SRF: variants seen among roughly 807,000 people sequenced by gnomAD.
SRF encodes c-fos serum response element-binding transcription factor.
A neutral mutation model predicts 37.1 loss-of-function variants in SRF; 7 were observed. The observed-to-expected ratio is 0.19, with a 90% confidence interval of 0.11 to 0.35. The LOEUF is 0.35. SRF is among the 10% of genes least tolerant of loss of function. The pLI, the probability that SRF is intolerant of heterozygous loss-of-function variation, is 1.00. For missense variants in SRF, 395 were observed against 694.4 expected, an observed-to-expected ratio of 0.57 and a Z score of 4.85; for synonymous variants, 285 against 310.1, an observed-to-expected ratio of 0.92 and a Z score of 0.85.
chr6:43,179,556 C>A lies in SRF; in HGVS notation c.*366C>A, dbSNP rs1772269685. 3.5e-6 allele frequency: 1 copy of A among 287,948 alleles called. No individual in the cohort carries two copies. The highest frequency in any genetic ancestry group is 6.8e-6 in the Non-Finnish European group (1 of 147,878). The allele number at this position is 287,948 out of a possible 1,614,324, so 17.8% of individuals were successfully genotyped here. A position where few individuals can be genotyped will look rare whatever the true frequency, so the allele number is the denominator to read the frequency against. ...CTTCTGTGGGGCTGGGCACCGTGTCCTCCTCTGAGGAAGCAGTTGGGGCCC... is the reference window on the plus strand; with the variant it reads ...CTTCTGTGGGGCTGGGCACCGTGTCATCCTCTGAGGAAGCAGTTGGGGCCC... On this transcript the variant is annotated 3_prime_UTR_variant, in exon 7 of 7. Transcript: ENST00000265354. The surrounding 1 kb of genome is among the most constrained non-coding windows in gnomAD (Gnocchi z 5.3).
Position 43,176,435 on chromosome 6 carries a change from T to C in SRF, c.1043-113T>C. ...CCTCTTTGGCTTCCAGGAAAGATAGTGATGGGAGTTGGAGACCAGTGTGCC... is the reference window on the plus strand; with the variant it reads ...CCTCTTTGGCTTCCAGGAAAGATAGCGATGGGAGTTGGAGACCAGTGTGCC... On this transcript the variant is annotated intron_variant, in intron 3 of 6. Coordinates refer to ENST00000265354, the MANE Select transcript of SRF (RefSeq NM_003131.4). This position sits in a 1 kb window ranked among gnomAD's most constrained non-coding sequence, Gnocchi z 4.0. 1 of 1,499,682 alleles carries C rather than the reference T, an allele frequency of 6.7e-7. No homozygotes were observed. Among genetic ancestry groups the C allele is most frequent in the Non-Finnish European group, 9.1e-7 (1 of 1,102,798 alleles). 92.9% of individuals were successfully genotyped at this position (1,499,682 alleles called of 1,614,324 possible).
At position 43,171,430 on chromosome 6, in the gene SRF, G is replaced by C. The variant is rs1388091917; in HGVS notation, c.-227G>C. ...GGCGCGCCGCCCTAGCAGACGGACA[G>C]GGGGCGCTGCGCGCGGCCTGGGGCA... On this transcript the variant is annotated 5_prime_UTR_variant, in exon 1 of 7. Coordinates refer to ENST00000265354, the MANE Select transcript of SRF (RefSeq NM_003131.4). This position sits in a 1 kb window ranked among gnomAD's most constrained non-coding sequence, Gnocchi z 6.5. 3 of 306,794 alleles carry C rather than the reference G, an allele frequency of 9.8e-6. No homozygotes were observed. Among genetic ancestry groups the C allele is most frequent in the Non-Finnish European group, 1.7e-5 (3 of 178,472 alleles). The allele number at this position is 306,794 out of a possible 1,614,324, so 19.0% of individuals were successfully genotyped here.
At position 43,172,056 on chromosome 6, in the gene SRF, G is replaced by A. The variant is rs913251423; in HGVS notation, c.400G>A (p.Ala134Thr). ...GCCGGTGAGCGGCGCGGTGAGCGGG[G>A]CCAAGCCGGGTAAGAAGACCCGGGG... ...YGPVSGAVSG[A>T]KPGKKTRGRV... The change falls in exon 1 of 7, where the codon GCC (alanine) becomes ACC (threonine). Residue 134 changes from alanine to threonine, a missense_variant. Around this residue, in one of 4 missense-constraint regions of SRF, gnomAD observed 134 missense variants for 204.5 expected, o/e 0.66. Coordinates refer to ENST00000265354, the MANE Select transcript of SRF (RefSeq NM_003131.4). This position sits in a 1 kb window ranked among gnomAD's most constrained non-coding sequence, Gnocchi z 5.7. 1 of 1,608,888 alleles carries A rather than the reference G, an allele frequency of 6.2e-7. No individual in the cohort carries two copies. Among genetic ancestry groups the A allele is most frequent in the Non-Finnish European group, 8.5e-7 (1 of 1,178,498 alleles).
chr6:43,171,917 G>A lies in SRF; in HGVS notation c.261G>A (p.Glu87=). ...SGSEGDSESG[E]EEELGAERRG... ...GCGAGGGCGACTCGGAGTCGGGCGA[G>A]GAGGAGGAGCTGGGCGCCGAGCGGC... is the stretch of plus-strand genomic sequence containing the variant. The change falls in exon 1 of 7, where the codon GAG becomes GAA. Residue 87 remains glutamate (E), a synonymous_variant. Coordinates refer to ENST00000265354, the MANE Select transcript of SRF (RefSeq NM_003131.4). The surrounding 1 kb of genome is among the most constrained non-coding windows in gnomAD (Gnocchi z 6.5). 2.1e-6 allele frequency: 3 copies of A among 1,447,406 alleles called. No homozygotes were observed. In the South Asian group the frequency reaches 4.2e-5, roughly 20 times the overall value. 89.7% of individuals were successfully genotyped at this position (1,447,406 alleles called of 1,614,324 possible).
chr6:43,175,536 G>GTA (rs1472038639), intron 2 of SRF, among the ~76,000 whole-genome samples, 170 bp from the exon 3 acceptor site: 15 of 152,172 alleles, frequency 9.9e-5, no homozygotes, highest in Non-Finnish European at 1.9e-4. Context: ...ATAGAAAACT[G>GTA]TAGCTCAGTA....
intron 2 of SRF, 89 bp from the exon 3 acceptor site, chr6:43,175,617 G>C: frequency 1.3e-6 from 2 of 1,558,950 alleles, no homozygotes; most frequent in Admixed American, 3.4e-5. Flanking sequence ...AAGCTCACTG[G>C]TTTCAGTCTG....
In SRF at chr6:43,179,226, G is replaced by A; in HGVS notation, c.*36G>A. 1 of 1,607,490 alleles carries A rather than the reference G, an allele frequency of 6.2e-7. No individual in the cohort carries two copies. The highest frequency in any genetic ancestry group is 8.5e-7 in the Non-Finnish European group (1 of 1,174,262). ...GCCCTGGACAGATGGCCCAAGGGATGGCACCACTTATTTATTGTTGCCTTT... is the reference window on the plus strand; with the variant it reads ...GCCCTGGACAGATGGCCCAAGGGATAGCACCACTTATTTATTGTTGCCTTT... On this transcript the variant is annotated 3_prime_UTR_variant, in exon 7 of 7. Transcript: ENST00000265354. This position sits in a 1 kb window ranked among gnomAD's most constrained non-coding sequence, Gnocchi z 5.3.
chr6:43,177,621 A>G (rs1772227733), intron 4 of SRF, among the ~76,000 whole-genome samples: 1 of 151,112 alleles, frequency 6.6e-6, no homozygotes, highest in Admixed American at 6.6e-5. Flanking sequence ...CTGTGCATTA[A>G]GAAGGAGAGA....
chr6:43,181,145 C>T lies in SRF; in HGVS notation c.*1955C>T, dbSNP rs1772326514. On this transcript the variant is annotated 3_prime_UTR_variant, in exon 7 of 7. Transcript: ENST00000265354. ...ATGGGGAGGAGACCTTTGATGAATT[C>T]TTCCTCTCCTTCCCACAAAAGACAG... 1 of 152,738 alleles carries T rather than the reference C, an allele frequency of 6.5e-6. No individual in the cohort carries two copies. The highest frequency in any genetic ancestry group is 1.9e-4 in the East Asian group (1 of 5,194). The allele number at this position is 152,738 out of a possible 1,614,324, so 9.5% of individuals were successfully genotyped here.
intron 2 of SRF, 51 bp downstream of exon 2, chr6:43,174,164 C>A (rs745883078): frequency 3.0e-5 from 48 of 1,592,862 alleles, no homozygotes; most frequent in Non-Finnish European, 4.1e-5. Flanking sequence ...GGGTCCCTCT[C>A]CCTTTCTGGC....
chr6:43,172,013 G>T lies in SRF; in HGVS notation c.357G>T (p.Ala119=). Reference sequence around the variant, plus strand: ...TCGGTGGGCCCGAGGCGTCGGCAGCGGCCACCGGGGGCTACGGGCCGGTGA... The same window carrying T: ...TCGGTGGGCCCGAGGCGTCGGCAGCTGCCACCGGGGGCTACGGGCCGGTGA... ...MVVGGPEASA[A]ATGGYGPVSG... is the part of the protein sequence containing the mutation. Residue 119 remains alanine (A), a synonymous_variant, in exon 1 of 7, where the codon GCG becomes GCT. Coordinates refer to ENST00000265354, the MANE Select transcript of SRF (RefSeq NM_003131.4). The surrounding 1 kb of genome is among the most constrained non-coding windows in gnomAD (Gnocchi z 5.7). The T allele has an allele frequency of 6.3e-7, 1 of 1,584,846 alleles. No homozygotes were observed. The highest frequency in any genetic ancestry group is 8.6e-7 in the Non-Finnish European group (1 of 1,166,954).
Position 43,178,943 on chromosome 6 carries a change from G to T in SRF, c.1431+61G>T. ...CCACTTCTTTGTCTTGACCTTAGGG[G>T]ATCCTGTTACCAGTTCATCAAAGCC... On this transcript the variant is annotated intron_variant, in intron 6 of 6. Coordinates refer to ENST00000265354, the MANE Select transcript of SRF (RefSeq NM_003131.4). The surrounding 1 kb of genome is among the most constrained non-coding windows in gnomAD (Gnocchi z 4.3). 3 of 1,590,048 alleles carry T rather than the reference G, an allele frequency of 1.9e-6. No individual in the cohort carries two copies. The highest frequency in any genetic ancestry group is 2.6e-6 in the Non-Finnish European group (3 of 1,158,242).
rs1772129222 is a variant in SRF, at chr6:43,172,581, A to G, written c.513+412A>G. On this transcript the variant is annotated intron_variant, in intron 1 of 6. Transcript: ENST00000265354. The surrounding 1 kb of genome is among the most constrained non-coding windows in gnomAD (Gnocchi z 5.7). ...AAAAGCAGGGAGCAAACGAGAAGGT[A>G]TGGAGGTGAGGAGGCTGGAGCTGCA... is the stretch of plus-strand genomic sequence containing the variant. The G allele has an allele frequency of 2.1e-6, 1 of 471,742 alleles. No homozygotes were observed. The highest frequency in any genetic ancestry group is 2.1e-5 in the African/African-American group (1 of 47,290). 29.2% of individuals were successfully genotyped at this position (471,742 alleles called of 1,614,324 possible).
Position 43,172,339 on chromosome 6 carries a change from C to A in SRF, c.513+170C>A, listed in dbSNP as rs1450781961. On this transcript the variant is annotated intron_variant, in intron 1 of 6. Transcript: ENST00000265354. This position sits in a 1 kb window ranked among gnomAD's most constrained non-coding sequence, Gnocchi z 5.7. The stretch of plus-strand genomic sequence containing the variant: ...GGGAGGGCCGAAGGGGAGGGGCCGC[C>A]GGGGAAATGTGGGGAGAGGGGAGAT... 1 of 984,174 alleles carries A rather than the reference C, an allele frequency of 1.0e-6. No individual in the cohort carries two copies. The highest frequency in any genetic ancestry group is 1.1e-4 in the East Asian group (1 of 8,738). The allele number at this position is 984,174 out of a possible 1,614,324, so 61.0% of individuals were successfully genotyped here.
chr6:43,174,678 C>A (rs747328770), intron 2 of SRF, among the ~76,000 whole-genome samples: 3 of 152,218 alleles, frequency 2.0e-5, no homozygotes, highest in Non-Finnish European at 4.4e-5. Context: ...GGCTTCCTCC[C>A]TTGCTGTCTG....
rs968638188 is a variant in SRF at position 43,180,453 on chromosome 6, G to A, written c.*1263G>A. Reference sequence around the variant, plus strand: ...AAGTGGGAGCAGCTTCTTGGGCTGAGTGCAGCCAAAGGGGAGCCAGAAATG... The same window carrying A: ...AAGTGGGAGCAGCTTCTTGGGCTGAATGCAGCCAAAGGGGAGCCAGAAATG... On this transcript the variant is annotated 3_prime_UTR_variant, in exon 7 of 7. Coordinates refer to ENST00000265354, the MANE Select transcript of SRF (RefSeq NM_003131.4). 2.6e-5 allele frequency: 4 copies of A among 152,712 alleles called. No individual in the cohort carries two copies. Among genetic ancestry groups the A allele is most frequent in the Non-Finnish European group, 5.9e-5 (4 of 68,068 alleles). 9.5% of individuals were successfully genotyped at this position (152,712 alleles called of 1,614,324 possible).
chr6:43,178,720 A>C lies in SRF; in HGVS notation c.1355-86A>C. The C allele has an allele frequency of 4.8e-6, 7 of 1,443,598 alleles. No individual in the cohort carries two copies. Among genetic ancestry groups the C allele is most frequent in the Non-Finnish European group, 6.8e-6 (7 of 1,028,010 alleles). The allele number at this position is 1,443,598 out of a possible 1,614,324, so 89.4% of individuals were successfully genotyped here. A position where few individuals can be genotyped will look rare whatever the true frequency, so the allele number is the denominator to read the frequency against. ...GGGCTCTTACATCTGAGACTGCCCCAGTCACTTGTGCATTTGACACCACTC... is the reference window on the plus strand; with the variant it reads ...GGGCTCTTACATCTGAGACTGCCCCCGTCACTTGTGCATTTGACACCACTC... On this transcript the variant is annotated intron_variant, in intron 5 of 6. Coordinates refer to ENST00000265354, the MANE Select transcript of SRF (RefSeq NM_003131.4). The surrounding 1 kb of genome is among the most constrained non-coding windows in gnomAD (Gnocchi z 4.3).
At position 43,176,713 on chromosome 6, in the gene SRF, G is replaced by A. The variant is rs200869123; in HGVS notation, c.1162+46G>A. On this transcript the variant is annotated intron_variant, in intron 4 of 6. Coordinates refer to ENST00000265354, the MANE Select transcript of SRF (RefSeq NM_003131.4). This position sits in a 1 kb window ranked among gnomAD's most constrained non-coding sequence, Gnocchi z 4.0. ...ACCCTCCCTCCCTGCCTTCCCCCAC[G>A]AGGCCTAGCAGTAGGTGCCCAACAG... The A allele has an allele frequency of 3.0e-3, 4,858 of 1,598,448 alleles. 20 individuals are homozygous for A. The highest frequency in any genetic ancestry group is 3.5e-3 in the Non-Finnish European group (4,117 of 1,169,414).
At position 43,171,518 on chromosome 6, in the gene SRF, G is replaced by A; in HGVS notation, c.-139G>A. ...CGGCCCGGGCGTGCAGGGGCCCCGG[G>A]TTCGCAGCGGCGGCCGCGGCAGCGA... On this transcript the variant is annotated 5_prime_UTR_variant, in exon 1 of 7. Coordinates refer to ENST00000265354, the MANE Select transcript of SRF (RefSeq NM_003131.4). This position sits in a 1 kb window ranked among gnomAD's most constrained non-coding sequence, Gnocchi z 6.5. The A allele has an allele frequency of 4.0e-6, 4 of 992,510 alleles. No individual in the cohort carries two copies. The highest frequency in any genetic ancestry group is 3.9e-5 in the East Asian group (1 of 25,530). The allele number at this position is 992,510 out of a possible 1,614,324, so 61.5% of individuals were successfully genotyped here.
Sources: allele counts gnomAD v4.1 joint callset (sites outside exome capture counted in the v4.1 genomes callset), GRCh38; gene constraint gnomAD v4.1.1; regional missense constraint gnomAD v4.1.1; non-coding constraint Gnocchi (gnomAD v3.1); transcripts MANE v1.5; gene names NCBI Gene and HGNC (gene_info 2026-07-23, HGNC 2026-07-21).